The following CEACAM16 variants were observed in gnomAD, a reference collection of about 807,000 sequenced individuals.
The protein encoded by CEACAM16 is CEA cell adhesion molecule 16, tectorial membrane component, also known as cell adhesion molecule CEACAM16.
Under a neutral mutation model 39.4 loss-of-function variants are expected in CEACAM16, and 30 were observed. That is an observed-to-expected ratio of 0.76 (90% CI 0.57 to 1.03). CEACAM16 has a LOEUF of 1.03. CEACAM16 is among the 50% of genes least tolerant of loss of function. The probability of loss-of-function intolerance (pLI) is 0.00; values close to 1 mark genes in which losing one functional copy is unlikely to be tolerated. For synonymous variants in CEACAM16, 262 were observed against 264.9 expected, an observed-to-expected ratio of 0.99 and a Z score of 0.11; for missense variants, 521 against 585.3, an observed-to-expected ratio of 0.89 and a Z score of 1.13.
intron 1 of CEACAM16, among the ~76,000 whole-genome samples, chr19:44,699,677 A>G (rs2165540): frequency 0.02 from 3,094 of 152,162 alleles, 100 homozygotes; most frequent in African/African-American, 0.07. Context: ...GCGTCCGGCC[A>G]TGAGCCACCA....
In CEACAM16 at chr19:44,707,924, C is replaced by T; in HGVS notation, c.1004C>T (p.Thr335Ile). The change falls in exon 6 of 7, where the codon ACA (threonine) becomes ATA (isoleucine). Residue 335 changes from threonine (T) to isoleucine (I), a missense_variant. Physicochemically the swap from Thr to Ile is moderately conservative, Grantham distance 89. Coordinates refer to ENST00000587331, the MANE Select transcript of CEACAM16 (RefSeq NM_001039213.4). Reference sequence around the variant, plus strand: ...AAGCCAACGGAGGGCCAGGACGTAACACTGACCGTGCAGGGCTACCCCAAG... The same window carrying T: ...AAGCCAACGGAGGGCCAGGACGTAATACTGACCGTGCAGGGCTACCCCAAG... ...PTKPTEGQDV[T>I]LTVQGYPKDL... 6.3e-7 allele frequency: 1 copy of T among 1,588,286 alleles called. No individual in the cohort carries two copies. The highest frequency in any genetic ancestry group is 1.3e-5 in the African/African-American group (1 of 74,618).
Position 44,710,644 on chromosome 19 carries a change from C to G in CEACAM16, c.*138C>G. 1 of 1,281,242 alleles carries G rather than the reference C, an allele frequency of 7.8e-7. No homozygotes were observed. Among genetic ancestry groups the G allele is most frequent in the Non-Finnish European group, 1.1e-6 (1 of 896,016 alleles). 79.4% of individuals were successfully genotyped at this position (1,281,242 alleles called of 1,614,324 possible). On this transcript the variant is annotated 3_prime_UTR_variant, in exon 7 of 7. Coordinates refer to ENST00000587331, the MANE Select transcript of CEACAM16 (RefSeq NM_001039213.4). ...CTGTTCTCCTGCCTCCACCCTAGAG[C>G]TAGAGCCACAGGGCCCCACTCCCTC... is the stretch of plus-strand genomic sequence containing the variant.
In CEACAM16 at chr19:44,705,986, C is replaced by T. The variant is rs1974441432; in HGVS notation, c.940+118C>T. 4.9e-6 allele frequency: 6 copies of T among 1,225,284 alleles called. No individual in the cohort carries two copies. The South Asian group carries it at 8.6e-5, about 18-fold the overall frequency. The allele number at this position is 1,225,284 out of a possible 1,614,324, so 75.9% of individuals were successfully genotyped here. A position where few individuals can be genotyped will look rare whatever the true frequency, so the allele number is the denominator to read the frequency against. ...GAACATGGTAGATTCACAGTTCATT[C>T]ATGAGCTGTGACAAAGTGGCATATC... On this transcript the variant is annotated intron_variant, in intron 5 of 6. Coordinates refer to ENST00000587331, the MANE Select transcript of CEACAM16 (RefSeq NM_001039213.4).
At chr19:44,710,333 C>G (rs1476521800) in intron 6 of CEACAM16, among the ~76,000 whole-genome samples, 163 bp from the exon 7 acceptor site, 1 of 152,180 alleles carries the variant, frequency 6.6e-6, no homozygotes, top group African/African-American at 2.4e-5. Flanking sequence ...AGGACCAACG[C>G]TACCTTCCTG....
chr19:44,702,435 C>A lies in CEACAM16; in HGVS notation c.38-914C>A, dbSNP rs80247566. On this transcript the variant is annotated intron_variant, in intron 2 of 6. Coordinates refer to ENST00000587331, the MANE Select transcript of CEACAM16 (RefSeq NM_001039213.4). Reference sequence around the variant, plus strand: ...GAGTGGCAGGACTGAGGGCTAGACCCAGAGACCCTCACTCCTAGCCACACT... The same window carrying A: ...GAGTGGCAGGACTGAGGGCTAGACCAAGAGACCCTCACTCCTAGCCACACT... Among the ~76,000 whole-genome samples, 822 of 152,368 alleles carry A rather than the reference C, an allele frequency of 5.4e-3. 58 individuals are homozygous for A. In the East Asian group the frequency reaches 0.15, roughly 28 times the overall value.
chr19:44,701,366 G>A lies in CEACAM16; in HGVS notation c.-91G>A. On this transcript the variant is annotated 5_prime_UTR_variant, in exon 2 of 7. Transcript: ENST00000587331. This position sits in a 1 kb window ranked among gnomAD's most constrained non-coding sequence, Gnocchi z 4.0. ...AAATCACCAAACCCTCCCAGGTCCT[G>A]CGGCAGACGGAGCCGAGCCCCAACC... The A allele has an allele frequency of 7.3e-7, 1 of 1,373,076 alleles. No homozygotes were observed. The highest frequency in any genetic ancestry group is 1.0e-6 in the Non-Finnish European group (1 of 984,540). 85.1% of individuals were successfully genotyped at this position (1,373,076 alleles called of 1,614,324 possible).
At position 44,701,705 on chromosome 19, in the gene CEACAM16, G is replaced by A. The variant is rs945554809; in HGVS notation, c.37+212G>A. On this transcript the variant is annotated intron_variant, in intron 2 of 6. Transcript: ENST00000587331. The surrounding 1 kb of genome is among the most constrained non-coding windows in gnomAD (Gnocchi z 4.0). ...CCACCCAGAGAGGTTTTCAGGGTGGGCTTTGGAGATTTCTAAGCCCAGGGC... is the reference window on the plus strand; with the variant it reads ...CCACCCAGAGAGGTTTTCAGGGTGGACTTTGGAGATTTCTAAGCCCAGGGC... Among the ~76,000 whole-genome samples, 1 of 152,234 alleles carries A rather than the reference G, an allele frequency of 6.6e-6. No individual in the cohort carries two copies. The highest frequency in any genetic ancestry group is 1.5e-5 in the Non-Finnish European group (1 of 68,032).
intron 6 of CEACAM16, among the ~76,000 whole-genome samples, chr19:44,709,423 A>G (rs1974501872): frequency 6.8e-6 from 1 of 147,716 alleles, no homozygotes; most frequent in Non-Finnish European, 1.5e-5. Flanking sequence ...GAGCTCCCAG[A>G]GTCAGGGACC....
rs1438088921 is a variant in CEACAM16 at position 44,707,872 on chromosome 19, G to T, written c.952G>T (p.Ala318Ser). The T allele has an allele frequency of 6.5e-7, 1 of 1,544,370 alleles. No individual in the cohort carries two copies. Among genetic ancestry groups the T allele is most frequent in the African/African-American group, 1.4e-5 (1 of 73,728 alleles). ...VVVKLSAAAV[A>S]TMIVPVPTKP... Reference sequence around the variant, plus strand: ...CGCTCTCTCCCCAGCTGCAGCAGTTGCCACGATGATCGTGCCCGTGCCCAC... The same window carrying T: ...CGCTCTCTCCCCAGCTGCAGCAGTTTCCACGATGATCGTGCCCGTGCCCAC... The change falls in exon 6 of 7, where the codon GCC (alanine) becomes TCC (serine). Residue 318 changes from alanine to serine, a missense_variant. Ala to Ser is a moderately conservative substitution (Grantham distance 99, BLOSUM62 1). Transcript: ENST00000587331.
chr19:44,704,420 AG>A (rs1974408114), intron 4 of CEACAM16, 124 bp downstream of exon 4: 1 of 1,254,462 alleles, frequency 8.0e-7, no homozygotes, highest in African/African-American at 1.5e-5. Flanking sequence ...ATTGGGGACC[AG>A]GGACCCCTCT....
In CEACAM16 at chr19:44,701,393, G is replaced by T; in HGVS notation, c.-64G>T. ...GGCAGACGGAGCCGAGCCCCAACCA[G>T]GAAGGGAGTCCGAGCACTGGGACTT... On this transcript the variant is annotated 5_prime_UTR_variant, in exon 2 of 7. In the 5' UTR this introduces an upstream ATG that the reference lacks. Coordinates refer to ENST00000587331, the MANE Select transcript of CEACAM16 (RefSeq NM_001039213.4). The surrounding 1 kb of genome is among the most constrained non-coding windows in gnomAD (Gnocchi z 4.0). 6.5e-7 allele frequency: 1 copy of T among 1,533,286 alleles called. No individual in the cohort carries two copies. Among genetic ancestry groups the T allele is most frequent in the Non-Finnish European group, 8.8e-7 (1 of 1,129,996 alleles). 95.0% of individuals were successfully genotyped at this position (1,533,286 alleles called of 1,614,324 possible).
rs759268318 is a variant in CEACAM16, at chr19:44,701,328, C to T, written c.-96-33C>T. ...CTCGATCCCTCCAAATTCAGGTGAT[C>T]TCCCCTGGCTCCAAATCACCAAACC... On this transcript the variant is annotated intron_variant, in intron 1 of 6. Transcript: ENST00000587331. This position sits in a 1 kb window ranked among gnomAD's most constrained non-coding sequence, Gnocchi z 4.0. 4.8e-5 allele frequency: 48 copies of T among 995,204 alleles called. No homozygotes were observed. The highest frequency in any genetic ancestry group is 7.2e-5 in the Non-Finnish European group (46 of 642,262). 61.6% of individuals were successfully genotyped at this position (995,204 alleles called of 1,614,324 possible).
intron 1 of CEACAM16, among the ~76,000 whole-genome samples, chr19:44,700,508 A>T (rs944839540): frequency 2.6e-5 from 4 of 151,870 alleles, no homozygotes; most frequent in Non-Finnish European, 5.9e-5. Context: ...CGAACTCCTG[A>T]CCTCAAATGA....
Position 44,710,528 on chromosome 19 carries a change from C to T in CEACAM16, c.*22C>T. Reference sequence around the variant, plus strand: ...GTAACAGCGTGACCCTGGAGACGTCCAGAGAGAAGAGCTCTTCGCACCATC... The same window carrying T: ...GTAACAGCGTGACCCTGGAGACGTCTAGAGAGAAGAGCTCTTCGCACCATC... On this transcript the variant is annotated 3_prime_UTR_variant, in exon 7 of 7. Coordinates refer to ENST00000587331, the MANE Select transcript of CEACAM16 (RefSeq NM_001039213.4). The T allele has an allele frequency of 6.2e-7, 1 of 1,613,762 alleles. No homozygotes were observed. Among genetic ancestry groups the T allele is most frequent in the Non-Finnish European group, 8.5e-7 (1 of 1,179,722 alleles).
At chr19:44,702,636 G>C (rs1467658724) in intron 2 of CEACAM16, among the ~76,000 whole-genome samples, 1 of 152,286 alleles carries the variant, frequency 6.6e-6, no homozygotes, top group African/African-American at 2.4e-5. Flanking sequence ...AAGGGGTGGA[G>C]TGTGTTCATC....
intron 6 of CEACAM16, among the ~76,000 whole-genome samples, chr19:44,710,252 A>T (rs1259099620): frequency 1.3e-5 from 2 of 152,168 alleles, no homozygotes; most frequent in African/African-American, 4.8e-5. Context: ...GCAGCAGGCC[A>T]CCCCGGCAAA....
intron 1 of CEACAM16, among the ~76,000 whole-genome samples, chr19:44,700,195 C>T (rs538365946): frequency 5.3e-5 from 8 of 152,174 alleles, no homozygotes; most frequent in African/African-American, 7.2e-5. Context: ...TTAGTACATA[C>T]GAGGTTTCAC....
At chr19:44,704,603 A>C (rs1974411506) in intron 4 of CEACAM16, among the ~76,000 whole-genome samples, 1 of 152,134 alleles carries the variant, frequency 6.6e-6, no homozygotes, top group African/African-American at 2.4e-5. Flanking sequence ...ATGGTGGCAC[A>C]TGCCTGTAGT....
At position 44,703,389 on chromosome 19, in the gene CEACAM16, G is replaced by A; in HGVS notation, c.78G>A (p.Leu26=). The A allele has an allele frequency of 1.2e-6, 2 of 1,613,570 alleles. No homozygotes were observed. Among genetic ancestry groups the A allele is most frequent in the Non-Finnish European group, 1.7e-6 (2 of 1,179,838 alleles). The change falls in exon 3 of 7, where the codon CTG becomes CTA. Residue 26 remains leucine, a synonymous_variant. Coordinates refer to ENST00000587331, the MANE Select transcript of CEACAM16 (RefSeq NM_001039213.4). Reference sequence around the variant, plus strand: ...TGGGGGCCGAGATCTCTATCACCCTGGAGCCTGCCCAGCCGAGCGAAGGGG... The same window carrying A: ...TGGGGGCCGAGATCTCTATCACCCTAGAGCCTGCCCAGCCGAGCGAAGGGG... The part of the protein sequence containing the change: ...LNVGAEISIT[L]EPAQPSEGDN...
Sources: allele counts gnomAD v4.1 joint callset (sites outside exome capture counted in the v4.1 genomes callset), GRCh38; gene constraint gnomAD v4.1.1; non-coding constraint Gnocchi (gnomAD v3.1); transcripts MANE v1.5; gene names NCBI Gene and HGNC (gene_info 2026-07-23, HGNC 2026-07-21).